PSKH1: variants seen among roughly 807,000 people sequenced by gnomAD.
PSKH1 encodes the protein serine/threonine-protein kinase H1.
PSKH1 carries 12 observed loss-of-function variants against 26.7 expected under a neutral mutation model. That is an observed-to-expected ratio of 0.45 (90% CI 0.29 to 0.73). The LOEUF (loss-of-function observed/expected upper bound fraction) is 0.73, where lower values mean the gene tolerates loss of function less well. PSKH1 is among the 30% of genes least tolerant of loss of function. The pLI is 0.11. For synonymous variants in PSKH1, 213 were observed against 234.3 expected, an observed-to-expected ratio of 0.91 and a Z score of 0.83; for missense variants, 431 against 595.2, an observed-to-expected ratio of 0.72 and a Z score of 2.87.
At chr16:67,895,410 A>ATT (rs569189607) in intron 1 of PSKH1, among the ~76,000 whole-genome samples, 33 of 138,106 alleles carry the variant, frequency 2.4e-4, no homozygotes, top group African/African-American at 5.8e-4. Flanking sequence ...AGGAATCTGT[A>ATT]TTTTTTTTTT....
intron 2 of PSKH1, among the ~76,000 whole-genome samples, chr16:67,923,413 G>A (rs953086499): frequency 1.3e-5 from 2 of 152,144 alleles, no homozygotes. Flanking sequence ...CTTGAAGCAG[G>A]ACCCAGCCCT....
At chr16:67,925,206 T>A (rs981101904) in intron 2 of PSKH1, among the ~76,000 whole-genome samples, 12 of 151,662 alleles carry the variant, frequency 7.9e-5, no homozygotes, top group African/African-American at 2.7e-4. Flanking sequence ...ATATTTTTTT[T>A]TTTTTTTTGA....
In PSKH1 at chr16:67,904,761, C is replaced by T. The variant is rs1024514197; in HGVS notation, c.-70-3919C>T. Among the ~76,000 whole-genome samples, 13 of 152,184 alleles carry T rather than the reference C, an allele frequency of 8.5e-5. No homozygotes were observed. In the East Asian group the frequency reaches 1.5e-3, roughly 18 times the overall value. On this transcript the variant is annotated intron_variant, in intron 1 of 2. Transcript: ENST00000291041. ...CCTCCCAAAGAGCTGGGATTACTCC[C>T]GGTGCTGGGATGGCCACACCTGGCC... is the stretch of plus-strand genomic sequence containing the variant.
At chr16:67,920,083 C>T (rs909425386) in intron 2 of PSKH1, among the ~76,000 whole-genome samples, 1 of 152,146 alleles carries the variant, frequency 6.6e-6, no homozygotes, top group African/African-American at 2.4e-5. Context: ...GGTGTGGTGG[C>T]TTGCACTCAG....
intron 2 of PSKH1, among the ~76,000 whole-genome samples, chr16:67,920,437 G>T (rs1263059441): frequency 6.6e-6 from 1 of 152,054 alleles, no homozygotes; most frequent in African/African-American, 2.4e-5. Flanking sequence ...AATTTTTTAG[G>T]TTTCTTGTAG....
rs1242024130 is a variant in PSKH1, at chr16:67,928,831, T to C, written c.*1189T>C. 1.3e-5 allele frequency: 2 copies of C among 152,426 alleles called. No individual in the cohort carries two copies. The highest frequency in any genetic ancestry group is 2.4e-5 in the African/African-American group (1 of 41,454). 9.4% of individuals were successfully genotyped at this position (152,426 alleles called of 1,614,324 possible). A position where few individuals can be genotyped will look rare whatever the true frequency, so the allele number is the denominator to read the frequency against. ...GGTCCCGGGCTGCTCACCTCTCCCC[T>C]TCTGCTGAGCTTCTGCGCACCCCTC... On this transcript the variant is annotated 3_prime_UTR_variant, in exon 3 of 3. Coordinates refer to ENST00000291041, the MANE Select transcript of PSKH1 (RefSeq NM_006742.3). This position sits in a 1 kb window ranked among gnomAD's most constrained non-coding sequence, Gnocchi z 4.8.
rs559193663 is a variant in PSKH1 at position 67,904,862 on chromosome 16, T to C, written c.-70-3818T>C. ...TTTTTTTTGAGACAAAGTCTCGCTC[T>C]GTCGCCCAGGCTAGAGTGCAGTGGC... is the stretch of plus-strand genomic sequence containing the variant. On this transcript the variant is annotated intron_variant, in intron 1 of 2. Transcript: ENST00000291041. Among the ~76,000 whole-genome samples, 37 of 150,126 alleles carry C rather than the reference T, an allele frequency of 2.5e-4. 1 individual carries two copies. Among genetic ancestry groups the C allele is most frequent in the Non-Finnish European group, 3.0e-4 (20 of 67,702 alleles).
rs1007071887 is a variant in PSKH1 at position 67,929,344 on chromosome 16, G to C, written c.*1702G>C. 6.5e-6 allele frequency: 1 copy of C among 154,122 alleles called. No individual in the cohort carries two copies. The highest frequency in any genetic ancestry group is 1.4e-5 in the Non-Finnish European group (1 of 69,310). The allele number at this position is 154,122 out of a possible 1,614,324, so 9.5% of individuals were successfully genotyped here. ...TCTGTGCCAAGTCGACTATGCCTTA[G>C]ACACATCCTCCTACCGTCCCCAATG... is the stretch of plus-strand genomic sequence containing the variant. On this transcript the variant is annotated 3_prime_UTR_variant, in exon 3 of 3. Transcript: ENST00000291041.
chr16:67,922,963 A>G (rs1210674161), intron 2 of PSKH1, among the ~76,000 whole-genome samples: 1 of 152,230 alleles, frequency 6.6e-6, no homozygotes, highest in Non-Finnish European at 1.5e-5. Context: ...TCTTTGTTTC[A>G]TTAGCCCTTA....
At chr16:67,903,212 C>T (rs2058146523) in intron 1 of PSKH1, 1 of 151,836 alleles carries the variant, frequency 6.6e-6, no homozygotes, top group South Asian at 2.1e-4. Context: ...ATAGTGGTAC[C>T]ATCACCGCTC....
At chr16:67,907,590 C>T (rs149192463) in intron 1 of PSKH1, among the ~76,000 whole-genome samples, 9 of 152,292 alleles carry the variant, frequency 5.9e-5, no homozygotes, top group East Asian at 1.9e-4. Flanking sequence ...GAAGACCAGG[C>T]GAGTTTTGCA....
chr16:67,911,964 T>C lies in PSKH1; in HGVS notation c.957+2258T>C, dbSNP rs75176427. ...GTTTGTACCACTCTTAGGAGATCGT[T>C]GCGTAGGAGTCAGGCAGGTGGTGAA... On this transcript the variant is annotated intron_variant, in intron 2 of 2. Transcript: ENST00000291041. Among the ~76,000 whole-genome samples, 433 of 152,332 alleles carry C rather than the reference T, an allele frequency of 2.8e-3. 4 individuals are homozygous for C. The highest frequency in any genetic ancestry group is 0.01 in the African/African-American group (417 of 41,584).
At chr16:67,916,000 G>A (rs1275626838) in intron 2 of PSKH1, among the ~76,000 whole-genome samples, 1 of 152,244 alleles carries the variant, frequency 6.6e-6, no homozygotes, top group African/African-American at 2.4e-5. Context: ...GTGAACACAG[G>A]CCTTGGCATA....
intron 2 of PSKH1, among the ~76,000 whole-genome samples, chr16:67,914,275 A>G (rs1206422040): frequency 2.0e-5 from 3 of 148,888 alleles, no homozygotes; most frequent in East Asian, 2.0e-4. Flanking sequence ...TCGGCCTCCC[A>G]AGTAGCTGGG....
At chr16:67,895,339 A>G (rs1443522933) in intron 1 of PSKH1, among the ~76,000 whole-genome samples, 4 of 151,768 alleles carry the variant, frequency 2.6e-5, no homozygotes, top group East Asian at 3.9e-4. Flanking sequence ...TTTTAGGGTT[A>G]CAGGCAAGAG....
At position 67,908,738 on chromosome 16, in the gene PSKH1, C is replaced by T; in HGVS notation, c.-12C>T. The T allele has an allele frequency of 1.3e-6, 2 of 1,564,478 alleles. No individual in the cohort carries two copies. The highest frequency in any genetic ancestry group is 1.7e-6 in the Non-Finnish European group (2 of 1,151,322). ...TGCCAGCCTCGCTGGAGAGGATGCCCTCGTGTCCGTGATGGGCTGTGGGAC... is the reference window on the plus strand; with the variant it reads ...TGCCAGCCTCGCTGGAGAGGATGCCTTCGTGTCCGTGATGGGCTGTGGGAC... On this transcript the variant is annotated 5_prime_UTR_variant, in exon 2 of 3. Coordinates refer to ENST00000291041, the MANE Select transcript of PSKH1 (RefSeq NM_006742.3).
At chr16:67,895,477 C>A (rs1317555462) in intron 1 of PSKH1, among the ~76,000 whole-genome samples, 1 of 149,476 alleles carries the variant, frequency 6.7e-6, no homozygotes, top group East Asian at 2.0e-4. Context: ...GGTGCGATCT[C>A]GGCTCACTGC....
chr16:67,901,489 G>A (rs371225544), intron 1 of PSKH1, among the ~76,000 whole-genome samples: 1 of 151,994 alleles, frequency 6.6e-6, no homozygotes, highest in African/African-American at 2.4e-5. Flanking sequence ...ATGCCACCAC[G>A]CCTGGCTAAT....
intron 2 of PSKH1, among the ~76,000 whole-genome samples, chr16:67,923,085 G>A (rs920185254): frequency 1.3e-5 from 2 of 152,202 alleles, no homozygotes; most frequent in South Asian, 2.1e-4. Flanking sequence ...GTCCTCAGGC[G>A]GGAGCGGAAA....
Sources: allele counts gnomAD v4.1 joint callset (sites outside exome capture counted in the v4.1 genomes callset), GRCh38; gene constraint gnomAD v4.1.1; non-coding constraint Gnocchi (gnomAD v3.1); transcripts MANE v1.5; gene names NCBI Gene and HGNC (gene_info 2026-07-23, HGNC 2026-07-21).